The following INO80 variants were observed in gnomAD, a reference collection of about 807,000 sequenced individuals.
The protein encoded by INO80 is INO80 complex ATPase subunit.
Under a neutral mutation model 203.4 loss-of-function variants are expected in INO80, and 20 were observed. The observed-to-expected ratio is 0.10, with a 90% CI of 0.07 to 0.14. The LOEUF is 0.14. Among genes scored for constraint, INO80 ranks in the 10% least tolerant of loss-of-function variants. INO80 has a pLI of 1.00. For synonymous variants in INO80, 726 were observed against 685.2 expected (o/e 1.06, Z -0.93); for missense variants, 1,419 against 1,914.4 (o/e 0.74, Z 4.83).
rs73399675 is a variant in INO80, at chr15:41,014,551, C to G, written c.3402+1537G>C. Among the ~76,000 whole-genome samples, 389 of 152,226 alleles carry G rather than the reference C, an allele frequency of 2.6e-3. 2 individuals are homozygous for G. Among genetic ancestry groups the G allele is most frequent in the African/African-American group, 9.0e-3 (372 of 41,536 alleles). On this transcript the variant is annotated intron_variant, in intron 27 of 35. Transcript: ENST00000648947. ...ACATCAAACACAACAGCTTAATCAC[C>G]TCTCTTATGGTGACTTACATTCACT...
intron 1 of INO80, among the ~76,000 whole-genome samples, 175 bp downstream of exon 1, chr15:41,115,798 G>A (rs1223171472): frequency 1.3e-5 from 2 of 152,206 alleles, no homozygotes; most frequent in Non-Finnish European, 2.9e-5. Context: ...TAGTCCCTGA[G>A]GTCCCAACCC....
At chr15:41,034,967 G>GA (rs1021759948) in intron 24 of INO80, among the ~76,000 whole-genome samples, 8 of 151,880 alleles carry the variant, frequency 5.3e-5, no homozygotes, top group Non-Finnish European at 8.8e-5. Flanking sequence ...GCAATGAAAA[G>GA]AAAAAAAATG....
intron 24 of INO80, among the ~76,000 whole-genome samples, chr15:41,043,822 C>T: frequency 6.6e-6 from 1 of 152,172 alleles, no homozygotes; most frequent in East Asian, 1.9e-4. Context: ...CCTGGACCTA[C>T]ATCTATAACT....
At chr15:40,987,037 C>T in intron 31 of INO80, 54 bp downstream of exon 31, 1 of 1,043,906 alleles carries the variant, frequency 9.6e-7, no homozygotes, top group South Asian at 1.3e-5. Flanking sequence ...CAGCCAAGTA[C>T]CTCTTCCATT....
intron 24 of INO80, among the ~76,000 whole-genome samples, chr15:41,044,630 C>T (rs2044722216): frequency 6.6e-6 from 1 of 151,690 alleles, no homozygotes; most frequent in Admixed American, 6.6e-5. Context: ...GGTTGTTACA[C>T]AAGTGTATAC....
chr15:41,100,178 C>T (rs1054969161), intron 1 of INO80, among the ~76,000 whole-genome samples: 4 of 152,064 alleles, frequency 2.6e-5, no homozygotes, highest in East Asian at 3.9e-4. Context: ...AGGTTCACGC[C>T]ATTCTCCTGC....
At chr15:41,009,140 G>A (rs192157756) in intron 27 of INO80, among the ~76,000 whole-genome samples, 3 of 152,080 alleles carry the variant, frequency 2.0e-5, no homozygotes, top group Admixed American at 6.5e-5. Flanking sequence ...CATAACGTGC[G>A]TTTTAATAAC....
chr15:41,095,756 G>A lies in INO80; in HGVS notation c.313+3C>T, dbSNP rs1436481364. On this transcript the variant is annotated splice_donor_region_variant and intron_variant, in intron 3 of 35. Transcript: ENST00000648947. ...CCAAAGGGGGATGTCACACCACACT[G>A]ACCTGACTGTAGAACTCCATTCAGA... 1 of 1,613,840 alleles carries A rather than the reference G, an allele frequency of 6.2e-7. No homozygotes were observed. Among genetic ancestry groups the A allele is most frequent in the Middle Eastern group, 1.6e-4 (1 of 6,084 alleles).
intron 16 of INO80, 59 bp downstream of exon 16, chr15:41,058,580 T>C (rs1244789558): frequency 2.5e-5 from 33 of 1,331,450 alleles, no homozygotes; most frequent in East Asian, 7.1e-5. Flanking sequence ...CGTGTGTGTG[T>C]GTGTGTGTGT....
At position 41,104,008 on chromosome 15, in the gene INO80, G is replaced by A. The variant is rs137999649; in HGVS notation, c.-43-7655C>T. ...AGGAAGGCTGATCACCTGAGGTCAG[G>A]AGTTCGAGACCAGCCATCTGACCAA... On this transcript the variant is annotated intron_variant, in intron 1 of 35. Coordinates refer to ENST00000648947, the MANE Select transcript of INO80 (RefSeq NM_017553.3). Among the ~76,000 whole-genome samples the A allele has an allele frequency of 1.1e-4, 16 of 151,950 alleles. No individual in the cohort carries two copies. The East Asian group carries it at 1.4e-3, about 13-fold the overall frequency.
rs1383281171 is a variant in INO80, at chr15:40,983,035, G to A, written c.4280C>T (p.Ser1427Leu). The A allele has an allele frequency of 1.9e-6, 3 of 1,613,888 alleles. 1 individual carries two copies. In the African/African-American group the frequency reaches 4.0e-5, roughly 22 times the overall value. ...QEMPAAGRGHSARSRGRPKGS... is the reference protein window; with the variant it reads ...QEMPAAGRGHLARSRGRPKGS... Reference sequence around the variant, plus strand: ...TTTGGGGCGGCCTCGGCTTCGGGCTGAGTGACCACGTCCTGCAGCTGGCAT... The same window carrying A: ...TTTGGGGCGGCCTCGGCTTCGGGCTAAGTGACCACGTCCTGCAGCTGGCAT... Residue 1427 changes from serine to leucine, a missense_variant, in exon 35 of 36, where the codon TCA becomes TTA. Ser to Leu is a moderately radical substitution (Grantham distance 145, BLOSUM62 -2). Around this residue, in one of 9 missense-constraint regions of INO80, gnomAD observed 214 missense variants for 248.9 expected, o/e 0.86. Transcript: ENST00000648947.
rs563128210 is a variant in INO80, at chr15:41,113,381, C to G, written c.-44+2592G>C. Reference sequence around the variant, plus strand: ...TCCCGGGTTCAAGCGATTCTCCTGCCTCAGCCTCCTGAGTAGCTGGGATTA... The same window carrying G: ...TCCCGGGTTCAAGCGATTCTCCTGCGTCAGCCTCCTGAGTAGCTGGGATTA... On this transcript the variant is annotated intron_variant, in intron 1 of 35. Coordinates refer to ENST00000648947, the MANE Select transcript of INO80 (RefSeq NM_017553.3). 5.9e-5 allele frequency among the ~76,000 whole-genome samples: 9 copies of G among 152,276 alleles called. No individual in the cohort carries two copies. The East Asian group carries it at 1.7e-3, about 29-fold the overall frequency.
At chr15:41,033,775 G>C in intron 24 of INO80, among the ~76,000 whole-genome samples, 1 of 152,176 alleles carries the variant, frequency 6.6e-6, no homozygotes, top group East Asian at 1.9e-4. Flanking sequence ...ACTTAGGCCA[G>C]GCGCAGTGGC....
chr15:40,980,378 C>G lies in INO80; in HGVS notation c.4516G>C (p.Gly1506Arg), dbSNP rs748193730. 1 of 1,613,966 alleles carries G rather than the reference C, an allele frequency of 6.2e-7. No homozygotes were observed. The highest frequency in any genetic ancestry group is 2.2e-5 in the East Asian group (1 of 44,892). ...AAAGGAGAAGAGGCGCTTGAAGGTC[C>G]AAAGTCAGCAAGGCCAGCAGGCCGA... ...LVRPAGLADFGPSSASSPLSS... is the reference protein window; with the variant it reads ...LVRPAGLADFRPSSASSPLSS... The change falls in exon 36 of 36, where the codon GGA becomes CGA. Residue 1506 changes from glycine (G) to arginine (R), a missense_variant. By Grantham distance (125) the Gly-to-Arg change is moderately radical (BLOSUM62 -2). Coordinates refer to ENST00000648947, the MANE Select transcript of INO80 (RefSeq NM_017553.3).
intron 9 of INO80, among the ~76,000 whole-genome samples, chr15:41,076,333 C>A (rs1328358390): frequency 6.6e-6 from 1 of 152,074 alleles, no homozygotes; most frequent in Non-Finnish European, 1.5e-5. Flanking sequence ...GCACTTCAGA[C>A]TGGGTAACAG....
Position 41,095,905 on chromosome 15 carries a change from T to C in INO80, c.167A>G (p.Asp56Gly), listed in dbSNP as rs757332271. The C allele has an allele frequency of 6.2e-7, 1 of 1,613,990 alleles. No homozygotes were observed. The highest frequency in any genetic ancestry group is 1.7e-5 in the Admixed American group (1 of 60,004). ...CTGGGGCAATAATGGATTACTGTCA[T>C]CCAGTCCATCTTCACTGTCATCACT... ...ISSDDSEDGL[D>G]DSNPLLPQSG... The change falls in exon 3 of 36, where the codon GAT (aspartate) becomes GGT (glycine). Residue 56 changes from aspartate to glycine, a missense_variant. Physicochemically the swap from Asp to Gly is moderately conservative, Grantham distance 94. Coordinates refer to ENST00000648947, the MANE Select transcript of INO80 (RefSeq NM_017553.3).
chr15:40,996,220 G>A (rs962458571), intron 29 of INO80, among the ~76,000 whole-genome samples: 16 of 152,132 alleles, frequency 1.1e-4, no homozygotes, highest in African/African-American at 3.9e-4. Context: ...TTAGAGTCAT[G>A]CCTTTTATAA....
intron 4 of INO80, among the ~76,000 whole-genome samples, chr15:41,093,703 T>C (rs547755701): frequency 3.2e-4 from 48 of 151,776 alleles, no homozygotes; most frequent in African/African-American, 9.4e-4. Context: ...CAAAAATTAG[T>C]TGAACGTGGT....
At chr15:41,000,706 CAAAAA>C (rs58232890) in intron 28 of INO80, among the ~76,000 whole-genome samples, 8 of 56,814 alleles carry the variant, frequency 1.4e-4, no homozygotes, top group Admixed American at 4.5e-4. Flanking sequence ...CACCCTGTCT[CAAAAA>C]AAAAAAAAAA....
Sources: gnomAD v4.1 joint callset for allele counts (sites outside exome capture counted in the v4.1 genomes callset) on GRCh38, gnomAD v4.1.1 for gene constraint, gnomAD v4.1.1 regional missense constraint, MANE v1.5 for transcripts, NCBI Gene and HGNC (gene_info 2026-07-23, HGNC 2026-07-21) for gene names.